The following ADAMTS13 variants were observed in gnomAD, a reference collection of about 807,000 sequenced individuals.
The protein encoded by ADAMTS13 is ADAM metallopeptidase with thrombospondin type 1 motif 13.
A neutral mutation model predicts 155.1 loss-of-function variants in ADAMTS13; 110 were observed. The ratio of observed to expected loss-of-function variants is 0.71; its 90% CI spans 0.61 to 0.83. The LOEUF (loss-of-function observed/expected upper bound fraction) is 0.83. Ranked by LOEUF, ADAMTS13 falls within the 40% of genes least tolerant of loss-of-function variation. The probability of loss-of-function intolerance (pLI) is 0.00; values close to 1 mark genes in which losing one functional copy is unlikely to be tolerated. For missense variants in ADAMTS13, 1,707 were observed against 1,891.7 expected, an observed-to-expected ratio of 0.90 and a Z score of 1.81; for synonymous variants, 758 against 756.4, an observed-to-expected ratio of 1.00 and a Z score of -0.03.
At position 133,440,378 on chromosome 9, in the gene ADAMTS13, G is replaced by A. The variant is rs371209152; in HGVS notation, c.1821G>A (p.Gly607=). ...TCGGAGGGCGCTATGTCGTGGCTGG[G>A]AAGATGAGCATCTCCCCTAACACCA... The part of the protein sequence containing the change: ...VRIGGRYVVA[G]KMSISPNTTY... The change falls in exon 16 of 29, where the codon GGG becomes GGA. Residue 607 remains glycine (G), a synonymous_variant. Coordinates refer to ENST00000355699, the MANE Select transcript of ADAMTS13 (RefSeq NM_139027.6). The surrounding 1 kb of genome is among the most constrained non-coding windows in gnomAD (Gnocchi z 4.3). 2.9e-5 allele frequency: 46 copies of A among 1,613,866 alleles called. No homozygotes were observed. Among genetic ancestry groups the A allele is most frequent in the Non-Finnish European group, 3.7e-5 (44 of 1,180,044 alleles).
intron 5 of ADAMTS13, 52 bp from the exon 6 acceptor site, chr9:133,426,147 A>G: frequency 6.2e-7 from 1 of 1,613,966 alleles, no homozygotes; most frequent in Middle Eastern, 1.6e-4. Flanking sequence ...AGGTGACCCC[A>G]GGGCAGGCAC....
In ADAMTS13 at chr9:133,440,505, C is replaced by T. The variant is rs1841592550; in HGVS notation, c.1948C>T (p.Gln650Ter). The T allele has an allele frequency of 6.2e-6, 10 of 1,607,484 alleles. No individual in the cohort carries two copies. The highest frequency in any genetic ancestry group is 8.5e-6 in the Non-Finnish European group (10 of 1,175,782). The change falls in exon 16 of 29, where the codon CAG becomes TAG. Residue 650 changes from glutamine (Q) to a stop codon, truncating the protein, a stop_gained. Transcript: ENST00000355699. LOFTEE classifies it high-confidence loss of function. The surrounding 1 kb of genome is among the most constrained non-coding windows in gnomAD (Gnocchi z 4.3). ...LEEIRIWGPL[Q>*]EDADIQVYRR... ...GGAGATCCGCATCTGGGGACCCCTC[C>T]AGGAAGATGCTGACATCCAGGTCAG...
chr9:133,437,920 G>A (rs374273047), intron 13 of ADAMTS13, 23 bp downstream of exon 13: 5 of 1,612,812 alleles, frequency 3.1e-6, no homozygotes, highest in Middle Eastern at 1.7e-4. Context: ...GGACATTGGC[G>A]ATGGCCCTGG....
At chr9:133,446,023 A>G (rs1842042884) in intron 21 of ADAMTS13, among the ~76,000 whole-genome samples, 1 of 152,198 alleles carries the variant, frequency 6.6e-6, no homozygotes, top group Admixed American at 6.5e-5. Flanking sequence ...AAAGGTAGGA[A>G]AAGACAATAA....
intron 1 of ADAMTS13, among the ~76,000 whole-genome samples, chr9:133,415,456 G>A (rs1457415777): frequency 2.8e-4 from 42 of 151,630 alleles, no homozygotes; most frequent in Non-Finnish European, 4.4e-5. Context: ...CTGCTGTGAA[G>A]ATCTCAGGAA....
At chr9:133,417,966 C>A (rs960623879), upstream of ADAMTS13, 2 of 921,526 alleles carry the variant, frequency 2.2e-6, no homozygotes, top group East Asian at 2.6e-5. Flanking sequence ...GCAGGGACCC[C>A]GTCCAGGAAA....
upstream of ADAMTS13, among the ~76,000 whole-genome samples, chr9:133,418,864 C>A (rs1051343165): frequency 1.3e-5 from 2 of 152,196 alleles, no homozygotes; most frequent in Non-Finnish European, 2.9e-5. Flanking sequence ...GTTTTTACTT[C>A]TTTATTTGGA....
intron 1 of ADAMTS13, among the ~76,000 whole-genome samples, 155 bp downstream of exon 1, chr9:133,422,703 G>A (rs1588149110): frequency 6.6e-6 from 1 of 152,116 alleles, no homozygotes; most frequent in African/African-American, 2.4e-5. Context: ...GGGGGATGAA[G>A]TGTGCTCACT....
rs201888549 is a variant in ADAMTS13 at position 133,432,563 on chromosome 9, G to A, written c.988-25G>A. ...GAAGGCCCTGGTGGCCCCTGAGCTC[G>A]CCACCCACCTGTCCACCCTCCTAGG... On this transcript the variant is annotated intron_variant, in intron 8 of 28. Coordinates refer to ENST00000355699, the MANE Select transcript of ADAMTS13 (RefSeq NM_139027.6). 5.0e-5 allele frequency: 78 copies of A among 1,546,288 alleles called. No individual in the cohort carries two copies. In the East Asian group the frequency reaches 1.4e-3, roughly 28 times the overall value.
chr9:133,435,143 G>C (rs1841081320), intron 11 of ADAMTS13, among the ~76,000 whole-genome samples: 1 of 152,010 alleles, frequency 6.6e-6, no homozygotes. Context: ...ATGCTGAAGA[G>C]CGGAGTTACT....
chr9:133,415,469 T>TG (rs1251407779), intron 1 of ADAMTS13, among the ~76,000 whole-genome samples: 1 of 146,480 alleles, frequency 6.8e-6, no homozygotes, highest in Non-Finnish European at 1.5e-5. Flanking sequence ...CTCAGGAAGG[T>TG]GGGGGGTGTC....
At chr9:133,414,790 G>A in intron 1 of ADAMTS13, 3 of 1,614,152 alleles carry the variant, frequency 1.9e-6, no homozygotes, top group Non-Finnish European at 2.5e-6. Flanking sequence ...CTGTTCCACT[G>A]GCCTTGGTGC....
At chr9:133,437,080 A>T in intron 12 of ADAMTS13, 125 bp downstream of exon 12, 1 of 1,285,454 alleles carries the variant, frequency 7.8e-7, no homozygotes, top group Non-Finnish European at 1.1e-6. Flanking sequence ...AGGCTCTGGC[A>T]TCCCACAGAC....
upstream of ADAMTS13, among the ~76,000 whole-genome samples, chr9:133,420,140 G>A (rs1380055522): frequency 1.3e-5 from 2 of 152,352 alleles, no homozygotes; most frequent in East Asian, 3.9e-4. Context: ...CAGACATCAG[G>A]TGATCCTCTC....
chr9:133,428,064 A>G (rs587696355), intron 6 of ADAMTS13, among the ~76,000 whole-genome samples: 1 of 152,084 alleles, frequency 6.6e-6, no homozygotes, highest in Admixed American at 6.5e-5. Context: ...CTCCTACCTC[A>G]CCGGTGCCTG....
intron 22 of ADAMTS13, 131 bp downstream of exon 22, chr9:133,448,859 A>T (rs587722283): frequency 3.2e-5 from 45 of 1,407,418 alleles, no homozygotes; most frequent in African/African-American, 3.0e-4. Context: ...AGGCTGGACC[A>T]TGGCCGCCCC....
rs376023502 is a variant in ADAMTS13, at chr9:133,414,633, C to A, written n.276C>A. 5 of 1,601,886 alleles carry A rather than the reference C, an allele frequency of 3.1e-6. No homozygotes were observed. The African/African-American group carries it at 6.7e-5, about 21-fold the overall frequency. On this transcript the variant is annotated non_coding_transcript_exon_variant, in exon 1 of 18. Transcript: ENST00000485925. ...AGGCCTTGGTGAAGTCGCTGTGCCT[C>A]GGTTCTCAGTGGTGAGGTGGCCCAT...
At chr9:133,415,091 G>A in intron 1 of ADAMTS13, 19 of 1,054,354 alleles carry the variant, frequency 1.8e-5, no homozygotes, top group Non-Finnish European at 2.4e-5. Flanking sequence ...ACGTGTGTAT[G>A]TATATACACA....
Position 133,432,947 on chromosome 9 carries a change from C to A in ADAMTS13, c.1092+255C>A, listed in dbSNP as rs587652221. Among the ~76,000 whole-genome samples the A allele has an allele frequency of 7.3e-5, 11 of 149,976 alleles. 1 individual carries two copies. Among genetic ancestry groups the A allele is most frequent in the Middle Eastern group, 3.4e-3 (1 of 294 alleles). ...GTGTGGGGTTCCTTTGGGTGGGGTC[C>A]CTGTGTGAAGGTCCTTGTGGATATG... On this transcript the variant is annotated intron_variant, in intron 9 of 28. Transcript: ENST00000355699.
Sources: gnomAD v4.1 joint callset for allele counts (sites outside exome capture counted in the v4.1 genomes callset) on GRCh38, gnomAD v4.1.1 for gene constraint, Gnocchi (gnomAD v3.1) non-coding constraint, MANE v1.5 for transcripts, NCBI Gene and HGNC (gene_info 2026-07-23, HGNC 2026-07-21) for gene names.